The following PTK2 variants were observed in gnomAD, a reference collection of about 807,000 sequenced individuals.
PTK2 encodes protein tyrosine kinase 2.
A neutral mutation model predicts 150.1 loss-of-function variants in PTK2; 45 were observed. The observed-to-expected ratio is 0.30, with a 90% confidence interval of 0.24 to 0.38. The LOEUF is 0.38. Among genes scored for constraint, PTK2 ranks in the 10% least tolerant of loss-of-function variants. The pLI, the probability that PTK2 is intolerant of heterozygous loss-of-function variation, is 1.00. For missense variants in PTK2, 919 were observed against 1,307.3 expected, an observed-to-expected ratio of 0.70 and a Z score of 4.58; for synonymous variants, 432 against 449.2, an observed-to-expected ratio of 0.96 and a Z score of 0.48.
In PTK2 at chr8:140,701,909, T is replaced by C. The variant is rs1005175245; in HGVS notation, c.2367+661A>G. Among the ~76,000 whole-genome samples, 5 of 151,818 alleles carry C rather than the reference T, an allele frequency of 3.3e-5. No individual in the cohort carries two copies. In the East Asian group the frequency reaches 9.7e-4, roughly 29 times the overall value. ...TGGGAGGGTGAGGTGGGTGGATCAC[T>C]TGAAGTCAGAAGTTCGAGACCAGCC... On this transcript the variant is annotated intron_variant, in intron 25 of 31. Coordinates refer to ENST00000522684, the Ensembl canonical transcript of PTK2.
At chr8:140,825,315 T>C (rs1051182560) in intron 8 of PTK2, among the ~76,000 whole-genome samples, 4 of 152,216 alleles carry the variant, frequency 2.6e-5, no homozygotes, top group Non-Finnish European at 2.9e-5. Flanking sequence ...CTGAACATCG[T>C]ACCAAGATAT....
In PTK2 at chr8:140,763,847, G is replaced by A. The variant is rs141439422; in HGVS notation, c.1234+387C>T. 2.9e-4 allele frequency among the ~76,000 whole-genome samples: 44 copies of A among 152,078 alleles called. No individual in the cohort carries two copies. In the East Asian group the frequency reaches 7.5e-3, roughly 26 times the overall value. On this transcript the variant is annotated intron_variant, in intron 15 of 31. Coordinates refer to ENST00000522684, the Ensembl canonical transcript of PTK2. ...TGTGAAAGTATGGGTATACGTGTGTGTATGTATGTGTATTATACATATATG... is the reference window on the plus strand; with the variant it reads ...TGTGAAAGTATGGGTATACGTGTGTATATGTATGTGTATTATACATATATG...
chr8:140,878,741 A>G (rs555942696), intron 4 of PTK2, among the ~76,000 whole-genome samples: 1 of 152,258 alleles, frequency 6.6e-6, no homozygotes, highest in African/African-American at 2.4e-5. Flanking sequence ...TTGCCTATAA[A>G]AATTAGAACC....
At chr8:140,916,188 C>T (rs909580039) in intron 2 of PTK2, among the ~76,000 whole-genome samples, 1 of 152,196 alleles carries the variant, frequency 6.6e-6, no homozygotes, top group Non-Finnish European at 1.5e-5. Flanking sequence ...GTGTTTCCCA[C>T]AGGAGGATAT....
At chr8:140,706,239 C>A in intron 23 of PTK2, 34 bp from the exon 27 acceptor site, 1 of 1,523,314 alleles carries the variant, frequency 6.6e-7, no homozygotes, top group South Asian at 1.1e-5. Context: ...ATGAATGAAC[C>A]TTTTGATTTT....
chr8:140,789,067 C>CA (rs1373767819), intron 14 of PTK2, among the ~76,000 whole-genome samples: 1 of 152,172 alleles, frequency 6.6e-6, no homozygotes, highest in African/African-American at 2.4e-5. Flanking sequence ...AATACTCAAA[C>CA]ACCATATTGT....
At chr8:140,679,017 T>A (rs1191679136) in intron 27 of PTK2, among the ~76,000 whole-genome samples, 1 of 32,560 alleles carries the variant, frequency 3.1e-5, no homozygotes, top group Admixed American at 3.0e-4. Context: ...TTTTTTTTTT[T>A]TTTTTTTTTT....
intron 10 of PTK2, among the ~76,000 whole-genome samples, chr8:140,815,120 C>G (rs1183412568): frequency 6.6e-6 from 1 of 151,890 alleles, no homozygotes; most frequent in African/African-American, 2.4e-5. Context: ...TCTAATGCAG[C>G]ACTATTCACA....
chr8:140,740,557 T>C (rs1459184462), intron 20 of PTK2, among the ~76,000 whole-genome samples: 2 of 152,212 alleles, frequency 1.3e-5, no homozygotes, highest in Non-Finnish European at 2.9e-5. Context: ...CTTATTTCTA[T>C]AGCCTAATGG....
At chr8:140,753,922 G>T (rs1299194615) in intron 16 of PTK2, among the ~76,000 whole-genome samples, 2 of 152,170 alleles carry the variant, frequency 1.3e-5, no homozygotes, top group Non-Finnish European at 2.9e-5. Flanking sequence ...AAATGAAGAT[G>T]TTCATTAATA....
chr8:140,927,975 A>ATATAT (rs1367767247), intron 1 of PTK2, among the ~76,000 whole-genome samples: 1,670 of 48,004 alleles, frequency 0.035, 24 homozygotes, highest in Middle Eastern at 0.048. Flanking sequence ...AAAAAAAAAA[A>ATATAT]ATATATATAT....
chr8:140,933,996 CA>C (rs59603876), intron 1 of PTK2, among the ~76,000 whole-genome samples: 5 of 149,556 alleles, frequency 3.3e-5, no homozygotes, highest in African/African-American at 7.4e-5. Flanking sequence ...AGCTAAAGGA[CA>C]AAAAAAAATA....
At chr8:140,808,141 G>C (rs1177321005) in intron 10 of PTK2, among the ~76,000 whole-genome samples, 1 of 152,212 alleles carries the variant, frequency 6.6e-6, no homozygotes, top group African/African-American at 2.4e-5. Flanking sequence ...TAGGATGGGA[G>C]AAACTATACA....
At chr8:140,776,096 C>T (rs1450256791) in intron 14 of PTK2, among the ~76,000 whole-genome samples, 2 of 152,186 alleles carry the variant, frequency 1.3e-5, no homozygotes, top group Non-Finnish European at 2.9e-5. Flanking sequence ...CTCCGGCTCC[C>T]AGGTTCAAGT....
chr8:140,795,558 G>C (rs745883650), intron 12 of PTK2, among the ~76,000 whole-genome samples: 1 of 152,146 alleles, frequency 6.6e-6, no homozygotes, highest in Non-Finnish European at 1.5e-5. Context: ...TCTCGATACA[G>C]CTCAACATCA....
intron 14 of PTK2, among the ~76,000 whole-genome samples, chr8:140,773,931 A>G (rs1350618083): frequency 6.6e-6 from 1 of 151,806 alleles, no homozygotes; most frequent in African/African-American, 2.4e-5. Context: ...GAAGCCCCAT[A>G]CTCCTGCCTC....
intron 1 of PTK2, among the ~76,000 whole-genome samples, chr8:140,958,175 T>C (rs2100181846): frequency 6.6e-6 from 1 of 152,244 alleles, no homozygotes; most frequent in African/African-American, 2.4e-5. Context: ...TCTCACTCTG[T>C]CACCCAGGCC....
At chr8:140,722,101 A>G (rs2100043218) in intron 22 of PTK2, among the ~76,000 whole-genome samples, 1 of 152,228 alleles carries the variant, frequency 6.6e-6, no homozygotes, top group Non-Finnish European at 1.5e-5. Flanking sequence ...TGACTAGTGA[A>G]GAAGAGCACA....
intron 8 of PTK2, among the ~76,000 whole-genome samples, chr8:140,828,144 C>T (rs182227526): frequency 2.1e-4 from 30 of 144,532 alleles, no homozygotes; most frequent in African/African-American, 7.5e-4. Context: ...CCAGCATGGG[C>T]GATGGAGCAA....
Sources: allele counts gnomAD v4.1 joint callset (sites outside exome capture counted in the v4.1 genomes callset), GRCh38; gene constraint gnomAD v4.1.1; transcripts MANE v1.5; gene names NCBI Gene and HGNC (gene_info 2026-07-23, HGNC 2026-07-21).